Variants in DCC observed in about 807,000 individuals in gnomAD.
DCC encodes netrin receptor DCC.
A neutral mutation model predicts 172.5 loss-of-function variants in DCC; 58 were observed. That is an observed-to-expected ratio of 0.34 (90% confidence interval 0.27 to 0.42). The LOEUF is 0.42. Among genes scored for constraint, DCC ranks in the 10% least tolerant of loss-of-function variants. DCC has a pLI of 1.00. For missense variants in DCC, 1,740 were observed against 1,791.0 expected, an observed-to-expected ratio of 0.97 and a Z score of 0.51; for synonymous variants, 709 against 644.5, an observed-to-expected ratio of 1.10 and a Z score of -1.52.
At chr18:53,132,611 A>T (rs2043674743) in intron 7 of DCC, among the ~76,000 whole-genome samples, 3 of 152,132 alleles carry the variant, frequency 2.0e-5, no homozygotes, top group African/African-American at 7.2e-5. Flanking sequence ...TTAGTTTGTT[A>T]TCCATAGCAG....
chr18:52,448,576 A>AACCG (rs1988201246), intron 1 of DCC, among the ~76,000 whole-genome samples: 1 of 152,196 alleles, frequency 6.6e-6, no homozygotes. Flanking sequence ...ATCTGCCCAG[A>AACCG]ACCGATTGAA....
chr18:53,515,813 T>C (rs1448135009), intron 27 of DCC, among the ~76,000 whole-genome samples: 1 of 151,824 alleles, frequency 6.6e-6, no homozygotes, highest in Admixed American at 6.6e-5. Context: ...TACAAACAAA[T>C]GGAAGAACAT....
intron 5 of DCC, among the ~76,000 whole-genome samples, chr18:52,943,964 G>T (rs2040502556): frequency 6.6e-6 from 1 of 152,122 alleles, no homozygotes; most frequent in African/African-American, 2.4e-5. Context: ...TGCCATGTTG[G>T]CCAAATTGGT....
chr18:52,609,921 T>C lies in DCC; in HGVS notation c.92-142133T>C, dbSNP rs556127397. 1.6e-4 allele frequency among the ~76,000 whole-genome samples: 25 copies of C among 151,908 alleles called. No individual in the cohort carries two copies. The South Asian group carries it at 5.2e-3, about 32-fold the overall frequency. Reference sequence around the variant, plus strand: ...AGGTAGGAGTGACAGCCTTATTGTCTGGATTTTAAAGGATTTTTATCTTCA... The same window carrying C: ...AGGTAGGAGTGACAGCCTTATTGTCCGGATTTTAAAGGATTTTTATCTTCA... On this transcript the variant is annotated intron_variant, in intron 1 of 28. Coordinates refer to ENST00000442544, the MANE Select transcript of DCC (RefSeq NM_005215.4).
chr18:52,462,793 C>T (rs1264029406), intron 1 of DCC, among the ~76,000 whole-genome samples: 1 of 152,162 alleles, frequency 6.6e-6, no homozygotes, highest in African/African-American at 2.4e-5. Context: ...AGCCCAGGTG[C>T]CTGGAACAGA....
chr18:52,670,424 A>G (rs757855638), intron 1 of DCC, among the ~76,000 whole-genome samples: 2 of 152,236 alleles, frequency 1.3e-5, no homozygotes, highest in Admixed American at 1.3e-4. Flanking sequence ...TATTGTGTTC[A>G]AATTCTTTAA....
In DCC at chr18:53,472,013, C is replaced by T. The variant is rs555353532; in HGVS notation, c.3736+4003C>T. ...AGAACAGCACCTGGCACATGGTAGG[C>T]ATGCACTCAATACCATTTAGTCAAA... On this transcript the variant is annotated intron_variant, in intron 25 of 28. Coordinates refer to ENST00000442544, the MANE Select transcript of DCC (RefSeq NM_005215.4). 4.6e-5 allele frequency among the ~76,000 whole-genome samples: 7 copies of T among 152,282 alleles called. No individual in the cohort carries two copies. The East Asian group carries it at 1.2e-3, about 25-fold the overall frequency.
At chr18:53,254,453 C>T (rs945398415) in intron 12 of DCC, among the ~76,000 whole-genome samples, 1 of 152,044 alleles carries the variant, frequency 6.6e-6, no homozygotes, top group South Asian at 2.1e-4. Flanking sequence ...GCTATCAGCA[C>T]CTGAATCACC....
intron 8 of DCC, among the ~76,000 whole-genome samples, chr18:53,174,445 A>G (rs1056073162): frequency 2.7e-4 from 41 of 150,216 alleles, no homozygotes; most frequent in Non-Finnish European, 4.9e-4. Flanking sequence ...TAATAAAGAA[A>G]AAAAGAGAGA....
intron 1 of DCC, among the ~76,000 whole-genome samples, chr18:52,498,726 C>T (rs933164595): frequency 6.6e-6 from 1 of 152,090 alleles, no homozygotes; most frequent in Non-Finnish European, 1.5e-5. Context: ...CCAGCACAGT[C>T]TGGTTCTGAT....
chr18:53,079,625 A>C (rs2042770398), intron 7 of DCC, among the ~76,000 whole-genome samples: 1 of 152,172 alleles, frequency 6.6e-6, no homozygotes, highest in Non-Finnish European at 1.5e-5. Context: ...AATCCCAGGA[A>C]TATTTAAGTG....
intron 1 of DCC, among the ~76,000 whole-genome samples, chr18:52,608,008 C>T (rs1411853980): frequency 6.6e-6 from 1 of 151,994 alleles, no homozygotes; most frequent in East Asian, 1.9e-4. Flanking sequence ...GAGGAACCTC[C>T]GGGCCCTATT....
At chr18:53,096,716 G>A (rs1485323080) in intron 7 of DCC, among the ~76,000 whole-genome samples, 1 of 152,012 alleles carries the variant, frequency 6.6e-6, no homozygotes, top group Non-Finnish European at 1.5e-5. Context: ...GCTAGGGAGA[G>A]AGAAGCAAAA....
At chr18:53,484,302 T>C (rs1271126344) in intron 25 of DCC, among the ~76,000 whole-genome samples, 3 of 152,094 alleles carry the variant, frequency 2.0e-5, no homozygotes, top group Non-Finnish European at 4.4e-5. Flanking sequence ...TACCAAAATT[T>C]ATCAGCAATT....
chr18:53,158,797 G>C (rs889518271), intron 8 of DCC, among the ~76,000 whole-genome samples: 1 of 151,878 alleles, frequency 6.6e-6, no homozygotes, highest in Non-Finnish European at 1.5e-5. Context: ...TTCAAGACCA[G>C]CCTGACCAAC....
intron 1 of DCC, among the ~76,000 whole-genome samples, chr18:52,631,750 T>C (rs7231528): frequency 0.43 from 64,748 of 152,030 alleles, 13,997 homozygotes; most frequent in South Asian, 0.53. Flanking sequence ...GCTTTGAAAT[T>C]TGCTGATCTT....
chr18:53,502,596 A>G (rs2046117086), intron 27 of DCC, among the ~76,000 whole-genome samples: 1 of 152,202 alleles, frequency 6.6e-6, no homozygotes, highest in Admixed American at 6.5e-5. Context: ...TTGATGAAGT[A>G]AAGTCATTCT....
intron 1 of DCC, among the ~76,000 whole-genome samples, chr18:52,738,900 TAA>T (rs59182653): frequency 0.83 from 116,988 of 141,388 alleles, 49,710 homozygotes; most frequent in East Asian, 0.99. Flanking sequence ...TCTGGCTATT[TAA>T]AAAAAAAAAA....
chr18:53,115,938 A>G (rs866177207), intron 7 of DCC, among the ~76,000 whole-genome samples: 1 of 151,514 alleles, frequency 6.6e-6, no homozygotes, highest in African/African-American at 2.4e-5. Flanking sequence ...TGGACCAGGG[A>G]CAAATCCTTA....
Sources: allele counts gnomAD v4.1 joint callset (sites outside exome capture counted in the v4.1 genomes callset), GRCh38; gene constraint gnomAD v4.1.1; transcripts MANE v1.5; gene names NCBI Gene and HGNC (gene_info 2026-07-23, HGNC 2026-07-21).